Variants in DNAJC25 observed in about 807,000 individuals in gnomAD.
DNAJC25 encodes dnaJ homolog subfamily C member 25.
DNAJC25 carries 26 observed loss-of-function variants against 42.1 expected under a neutral mutation model. The observed-to-expected ratio is 0.62, with a 90% confidence interval of 0.45 to 0.86. DNAJC25 has a LOEUF of 0.86. DNAJC25 is among the 40% of genes least tolerant of loss of function. DNAJC25 has a pLI of 0.00. For missense variants in DNAJC25, 404 were observed against 459.4 expected (o/e 0.88, Z 1.10); for synonymous variants, 189 against 179.9 (o/e 1.05, Z -0.40).
At chr9:111,642,817 C>G (rs1249491104) in intron 1 of DNAJC25, 2 of 469,940 alleles carry the variant, frequency 4.3e-6, no homozygotes, top group East Asian at 6.9e-5. Context: ...TGTGGGTTTC[C>G]TCTTGTTCAC....
intron 1 of DNAJC25, among the ~76,000 whole-genome samples, chr9:111,633,273 A>G (rs1461806516): frequency 1.3e-5 from 2 of 152,204 alleles, no homozygotes. Flanking sequence ...GATGTTAATC[A>G]TGTTAATTTG....
intron 1 of DNAJC25, among the ~76,000 whole-genome samples, chr9:111,643,283 A>G (rs1830510829): frequency 6.6e-6 from 1 of 152,186 alleles, no homozygotes; most frequent in South Asian, 2.1e-4. Context: ...AACCTTCACA[A>G]AAGTTCACTC....
At chr9:111,642,834 T>C (rs1564085131) in intron 1 of DNAJC25, 1 of 470,664 alleles carries the variant, frequency 2.1e-6, no homozygotes. Flanking sequence ...TCACTTTTGA[T>C]CTAGATATTG....
At chr9:111,652,752 G>A (rs972762384) in intron 3 of DNAJC25, among the ~76,000 whole-genome samples, 1 of 151,402 alleles carries the variant, frequency 6.6e-6, no homozygotes, top group Non-Finnish European at 1.5e-5. Context: ...TCACCATGTT[G>A]GCCAGGCTGG....
chr9:111,636,068 G>T (rs1830358153), intron 1 of DNAJC25, among the ~76,000 whole-genome samples: 1 of 152,110 alleles, frequency 6.6e-6, no homozygotes, highest in Admixed American at 6.6e-5. Context: ...GATACTTATT[G>T]TTCAGTTATT....
Position 111,631,703 on chromosome 9 carries a change from A to G in DNAJC25, c.296A>G (p.Glu99Gly). The change falls in exon 1 of 4, where the codon GAG becomes GGG. Residue 99 changes from glutamate to glycine, a missense_variant. Glu to Gly is a moderately conservative substitution (Grantham distance 98). Transcript: ENST00000313525. ...GGGCGGACGCCGCAGAGCGCCGAGG[A>G]GGCTTTCCTGCTGGTGGCAACCGCC... is the stretch of plus-strand genomic sequence containing the variant. ...GPGRTPQSAEEAFLLVATAYE... is the reference protein window; with the variant it reads ...GPGRTPQSAEGAFLLVATAYE... The G allele has an allele frequency of 1.3e-6, 2 of 1,524,688 alleles. No individual in the cohort carries two copies. The highest frequency in any genetic ancestry group is 1.8e-6 in the Non-Finnish European group (2 of 1,142,234). 94.4% of individuals were successfully genotyped at this position (1,524,688 alleles called of 1,614,324 possible).
chr9:111,652,269 G>A (rs1830672127), intron 3 of DNAJC25, among the ~76,000 whole-genome samples: 1 of 151,896 alleles, frequency 6.6e-6, no homozygotes, highest in African/African-American at 2.4e-5. Context: ...CAACACTTTG[G>A]GAGGCCGAGG....
intron 3 of DNAJC25, 82 bp from the exon 4 acceptor site, chr9:111,653,017 TA>T (rs1426998569): frequency 7.3e-7 from 1 of 1,363,676 alleles, no homozygotes; most frequent in African/African-American, 1.5e-5. Flanking sequence ...AACATTATGT[TA>T]GAAAAATGTA....
chr9:111,649,712 T>G lies in DNAJC25; in HGVS notation c.749T>G (p.Ile250Ser). The G allele has an allele frequency of 6.2e-7, 1 of 1,614,168 alleles. No homozygotes were observed. The highest frequency in any genetic ancestry group is 8.5e-7 in the Non-Finnish European group (1 of 1,180,040). The change falls in exon 3 of 4, where the codon ATC becomes AGC. Residue 250 changes from isoleucine to serine, a missense_variant. By Grantham distance (142) the Ile-to-Ser change is moderately radical. Transcript: ENST00000313525. ...QICDLLLFQI[I>S]LAPFHLCSYI... ...TGTGATCTTCTCCTGTTTCAAATTATCTTAGCTCCTTTTCACCTATGCTCA... is the reference window on the plus strand; with the variant it reads ...TGTGATCTTCTCCTGTTTCAAATTAGCTTAGCTCCTTTTCACCTATGCTCA...
chr9:111,652,514 CAAA>C (rs1308204248), intron 3 of DNAJC25, among the ~76,000 whole-genome samples: 3 of 64,558 alleles, frequency 4.6e-5, no homozygotes, highest in Non-Finnish European at 6.0e-5. Flanking sequence ...GACCCTGTCT[CAAA>C]AAAAAAAAAA....
At chr9:111,644,503 A>C (rs1469488212) in intron 1 of DNAJC25, among the ~76,000 whole-genome samples, 1 of 152,230 alleles carries the variant, frequency 6.6e-6, no homozygotes, top group Non-Finnish European at 1.5e-5. Flanking sequence ...CAAAAAGAGA[A>C]GATAGTCACT....
chr9:111,643,733 TAA>T (rs376492392), intron 1 of DNAJC25, among the ~76,000 whole-genome samples: 50 of 139,822 alleles, frequency 3.6e-4, no homozygotes, highest in Non-Finnish European at 3.0e-4. Flanking sequence ...CACTGGAGAT[TAA>T]AAAAAAAAAA....
At chr9:111,644,303 C>A (rs564513006) in intron 1 of DNAJC25, among the ~76,000 whole-genome samples, 2 of 152,188 alleles carry the variant, frequency 1.3e-5, no homozygotes, top group Admixed American at 1.3e-4. Flanking sequence ...GTAGAGAGGC[C>A]AGACACAAGG....
intron 2 of DNAJC25, among the ~76,000 whole-genome samples, chr9:111,648,846 GAC>G (rs1830606404): frequency 1.3e-5 from 2 of 152,258 alleles, no homozygotes; most frequent in African/African-American, 4.8e-5. Flanking sequence ...GGCATTTTCT[GAC>G]AAATGCTTTA....
Position 111,645,255 on chromosome 9 carries a change from ATT to A in DNAJC25, c.337-1837_337-1836del, listed in dbSNP as rs71737046. 1.6e-3 allele frequency among the ~76,000 whole-genome samples: 225 copies of A among 144,034 alleles called. 2 individuals are homozygous for A. The highest frequency in any genetic ancestry group is 7.2e-3 in the Middle Eastern group (2 of 278). 94.5% of individuals were successfully genotyped at this position (144,034 alleles called of 152,430 possible). On this transcript the variant is annotated intron_variant, in intron 1 of 3. Coordinates refer to ENST00000313525, the MANE Select transcript of DNAJC25 (RefSeq NM_001015882.3). Reference sequence around the variant, plus strand: ...GAGAATGATCTCACACAGATTCAAAATTTTTTTTTTTTTTTTGGAGACAGAGT... The same window carrying A: ...GAGAATGATCTCACACAGATTCAAAATTTTTTTTTTTTTTGGAGACAGAGT...
intron 1 of DNAJC25, chr9:111,643,127 A>G (rs1830508464): frequency 3.6e-6 from 1 of 276,956 alleles, no homozygotes; most frequent in East Asian, 8.3e-5. Flanking sequence ...GGTTTAAGCT[A>G]TGTTAGCCAC....
At chr9:111,647,306 C>T (rs1830581681) in intron 2 of DNAJC25, 47 bp downstream of exon 2, 2 of 1,604,200 alleles carry the variant, frequency 1.2e-6, no homozygotes, top group South Asian at 1.1e-5. Context: ...GCATTGAGTG[C>T]ACATTGCCTA....
chr9:111,649,575 A>G lies in DNAJC25; in HGVS notation c.612A>G (p.Lys204=). ...GACTGCTCAAAAAAGCCAAAGAAAA[A>G]GGCAAAAACAAAAAGTCCAAAGAAG... ...QQGLLKKAKE[K]GKNKKSKEEI... Residue 204 remains lysine (K), a synonymous_variant, in exon 3 of 4, where the codon AAA becomes AAG. Transcript: ENST00000313525. 4 of 1,614,084 alleles carry G rather than the reference A, an allele frequency of 2.5e-6. No individual in the cohort carries two copies. The highest frequency in any genetic ancestry group is 2.2e-5 in the South Asian group (2 of 91,084).
At chr9:111,643,280 A>G (rs1830510767) in intron 1 of DNAJC25, among the ~76,000 whole-genome samples, 1 of 152,222 alleles carries the variant, frequency 6.6e-6, no homozygotes, top group Admixed American at 6.5e-5. Context: ...AAAAACCTTC[A>G]CAAAAGTTCA....
Sources: gnomAD v4.1 joint callset for allele counts (sites outside exome capture counted in the v4.1 genomes callset) on GRCh38, gnomAD v4.1.1 for gene constraint, MANE v1.5 for transcripts, NCBI Gene and HGNC (gene_info 2026-07-23, HGNC 2026-07-21) for gene names.